PCM1: variants seen among roughly 807,000 people sequenced by gnomAD.
PCM1 encodes pericentriolar material 1 protein.
PCM1 carries 157 observed loss-of-function variants against 241.9 expected under a neutral mutation model. The observed-to-expected ratio is 0.65, with a 90% CI of 0.57 to 0.74. The LOEUF (loss-of-function observed/expected upper bound fraction) is 0.74, where lower values mean the gene tolerates loss of function less well. Among genes scored for constraint, PCM1 ranks in the 30% least tolerant of loss-of-function variants. The pLI is 0.00. For missense variants in PCM1, 3,478 were observed against 2,360.1 expected, an observed-to-expected ratio of 1.47 and a Z score of -9.81; for synonymous variants, 1,085 against 784.9, an observed-to-expected ratio of 1.38 and a Z score of -6.39.
chr8:18,009,876 T>G (rs1262298319), intron 31 of PCM1, 132 bp downstream of exon 31: 1 of 531,190 alleles, frequency 1.9e-6, no homozygotes, highest in African/African-American at 2.0e-5. Context: ...AATCACATTA[T>G]AAGTCATTAC....
At chr8:17,934,594 A>G (rs1189979440) in intron 2 of PCM1, 1 of 151,612 alleles carries the variant, frequency 6.6e-6, no homozygotes, top group Non-Finnish European at 1.5e-5. Context: ...TTTTAGCTGA[A>G]TGACCTTGGC....
chr8:18,019,197 T>G (rs993650877), intron 36 of PCM1, among the ~76,000 whole-genome samples: 11 of 152,082 alleles, frequency 7.2e-5, no homozygotes, highest in Admixed American at 1.3e-4. Context: ...TCTCAGACAT[T>G]ATACCAAGAC....
rs773536166 is a variant in PCM1 at position 17,938,808 on chromosome 8, C to G, written c.411C>G (p.Asn137Lys). ...ACAACAAACGTCAGCTTAGTGAAAA[C>G]CGAAAGCCCTTCAACTTTTTGCCTA... ...AANNKRQLSE[N>K]RKPFNFLPMQ... Residue 137 changes from asparagine (N) to lysine (K), a missense_variant, in exon 5 of 39, where the codon AAC becomes AAG. By Grantham distance (94) the Asn-to-Lys change is moderately conservative. Coordinates refer to ENST00000325083, the MANE Select transcript of PCM1 (RefSeq NM_006197.4). 1 of 1,613,028 alleles carries G rather than the reference C, an allele frequency of 6.2e-7. No individual in the cohort carries two copies. The highest frequency in any genetic ancestry group is 8.5e-7 in the Non-Finnish European group (1 of 1,179,110).
In PCM1 at chr8:17,972,652, A is replaced by G. The variant is rs1268294338; in HGVS notation, c.3908A>G (p.Asn1303Ser). 1 of 1,577,752 alleles carries G rather than the reference A, an allele frequency of 6.3e-7. No individual in the cohort carries two copies. Among genetic ancestry groups the G allele is most frequent in the Non-Finnish European group, 8.6e-7 (1 of 1,165,436 alleles). The change falls in exon 23 of 39, where the codon AAT becomes AGT. Residue 1303 changes from asparagine to serine, a missense_variant. Coordinates refer to ENST00000325083, the MANE Select transcript of PCM1 (RefSeq NM_006197.4). The stretch of plus-strand genomic sequence containing the variant: ...CCCAAGTCAAAAAGTAAGAAGAGGA[A>G]TTCTACTCAGCTGAAAAGCAGAGTT... ...KTPKSKSKKR[N>S]STQLKSRVKN...
At chr8:18,021,109 C>G (rs539185645) in intron 36 of PCM1, among the ~76,000 whole-genome samples, 1 of 152,306 alleles carries the variant, frequency 6.6e-6, no homozygotes, top group African/African-American at 2.4e-5. Flanking sequence ...GTAAACAATG[C>G]TGTGCACTTG....
intron 29 of PCM1, among the ~76,000 whole-genome samples, chr8:18,005,732 A>G (rs1306088084): frequency 6.6e-6 from 1 of 152,118 alleles, no homozygotes; most frequent in Non-Finnish European, 1.5e-5. Context: ...GTCTAAAGGT[A>G]TTTTTAGTTG....
chr8:17,950,832 G>T lies in PCM1; in HGVS notation c.1071+108G>T, dbSNP rs116436186. On this transcript the variant is annotated intron_variant, in intron 8 of 38. Coordinates refer to ENST00000325083, the MANE Select transcript of PCM1 (RefSeq NM_006197.4). ...TATCACCTGGCATGATTGTTGAGCA[G>T]TGTAGGTTTCTGATTGGTGGGGTCC... 10 of 702,672 alleles carry T rather than the reference G, an allele frequency of 1.4e-5. No individual in the cohort carries two copies. In the East Asian group the frequency reaches 2.3e-4, roughly 16 times the overall value. 43.5% of individuals were successfully genotyped at this position (702,672 alleles called of 1,614,324 possible). A position where few individuals can be genotyped will look rare whatever the true frequency, so the allele number is the denominator to read the frequency against.
intron 24 of PCM1, among the ~76,000 whole-genome samples, chr8:17,982,188 C>G (rs1375561682): frequency 1.3e-5 from 2 of 152,066 alleles, no homozygotes; most frequent in African/African-American, 2.4e-5. Context: ...TTCCTTTCTG[C>G]AAAAATATCA....
At chr8:17,935,920 AGT>A (rs2060278510) in intron 3 of PCM1, among the ~76,000 whole-genome samples, 1 of 152,172 alleles carries the variant, frequency 6.6e-6, no homozygotes, top group African/African-American at 2.4e-5. Context: ...AAGATGTAAA[AGT>A]GTTTTTTTTA....
At chr8:17,994,735 A>G (rs1415970963) in intron 29 of PCM1, among the ~76,000 whole-genome samples, 1 of 151,706 alleles carries the variant, frequency 6.6e-6, no homozygotes, top group Non-Finnish European at 1.5e-5. Flanking sequence ...GTGCCATTTT[A>G]ACAGAGGTGA....
chr8:17,955,719 T>C, intron 10 of PCM1, 66 bp downstream of exon 10: 1 of 1,251,516 alleles, frequency 8.0e-7, no homozygotes, highest in Non-Finnish European at 1.2e-6. Context: ...TTTTTTTTTT[T>C]ATGTTGAAAA....
intron 30 of PCM1, among the ~76,000 whole-genome samples, chr8:18,007,296 T>A (rs1160415308): frequency 6.6e-6 from 1 of 152,224 alleles, no homozygotes; most frequent in African/African-American, 2.4e-5. Context: ...TAACTTTTTT[T>A]AAACCTTGGG....
At chr8:17,997,237 C>A (rs1017868390) in intron 29 of PCM1, among the ~76,000 whole-genome samples, 6 of 152,000 alleles carry the variant, frequency 3.9e-5, no homozygotes, top group African/African-American at 1.5e-4. Flanking sequence ...TGTAAGGATT[C>A]TAGTGACAAG....
At chr8:17,941,539 TTTAA>T (rs1478236206) in intron 6 of PCM1, among the ~76,000 whole-genome samples, 6 of 127,728 alleles carry the variant, frequency 4.7e-5, no homozygotes, top group Non-Finnish European at 9.1e-5. Context: ...TTTTTTTTTT[TTTAA>T]AAAAAAGGTG....
intron 29 of PCM1, among the ~76,000 whole-genome samples, chr8:17,999,602 T>C (rs1004742021): frequency 6.6e-6 from 1 of 152,114 alleles, no homozygotes; most frequent in African/African-American, 2.4e-5. Flanking sequence ...CTTGCATTGC[T>C]GCAGTCAGTG....
intron 29 of PCM1, among the ~76,000 whole-genome samples, chr8:18,003,750 C>G (rs1381184082): frequency 6.6e-6 from 1 of 151,960 alleles, no homozygotes; most frequent in Non-Finnish European, 1.5e-5. Flanking sequence ...TTTCCTGTTA[C>G]TTATAAATAT....
intron 24 of PCM1, 113 bp from the exon 25 acceptor site, chr8:17,985,334 T>G (rs958800483): frequency 1.5e-6 from 1 of 645,538 alleles, no homozygotes; most frequent in African/African-American, 1.9e-5. Context: ...AATAGAATTG[T>G]CTAAAATAGA....
At chr8:17,955,120 A>C (rs2067648532) in intron 9 of PCM1, among the ~76,000 whole-genome samples, 1 of 152,106 alleles carries the variant, frequency 6.6e-6, no homozygotes, top group South Asian at 2.1e-4. Flanking sequence ...GTTAGTTACC[A>C]AGTTTACTCG....
intron 36 of PCM1, among the ~76,000 whole-genome samples, chr8:18,016,429 C>CAGAGA (rs67529415): frequency 6.6e-6 from 1 of 151,518 alleles, no homozygotes; most frequent in South Asian, 2.1e-4. Flanking sequence ...TACACTTTAC[C>CAGAGA]AGAGAAGAGA....
Sources: allele counts gnomAD v4.1 joint callset (sites outside exome capture counted in the v4.1 genomes callset), GRCh38; gene constraint gnomAD v4.1.1; transcripts MANE v1.5; gene names NCBI Gene and HGNC (gene_info 2026-07-23, HGNC 2026-07-21).